The following DSCAML1 variants were observed in gnomAD, a reference collection of about 807,000 sequenced individuals.
DSCAML1 encodes the protein cell adhesion molecule DSCAML1.
Under a neutral mutation model 200.5 loss-of-function variants are expected in DSCAML1, and 38 were observed. The observed-to-expected ratio is 0.19, with a 90% CI of 0.15 to 0.25. The LOEUF (loss-of-function observed/expected upper bound fraction) is 0.25. Among genes scored for constraint, DSCAML1 ranks in the 10% least tolerant of loss-of-function variants. The pLI is 1.00. For synonymous variants in DSCAML1, 1,215 were observed against 1,165.0 expected (o/e 1.04, Z -0.87); for missense variants, 2,223 against 2,858.8 (o/e 0.78, Z 5.07).
At chr11:117,735,144 T>A (rs1348133692) in intron 3 of DSCAML1, among the ~76,000 whole-genome samples, 5 of 151,804 alleles carry the variant, frequency 3.3e-5, no homozygotes, top group Non-Finnish European at 5.9e-5. Flanking sequence ...CCCCGTAGCA[T>A]CCCCCTTCCC....
chr11:117,449,327 G>A (rs979624811), intron 20 of DSCAML1, among the ~76,000 whole-genome samples: 4 of 152,092 alleles, frequency 2.6e-5, no homozygotes, highest in African/African-American at 9.7e-5. Context: ...GATGACGTTT[G>A]TGCACTTTGC....
intron 3 of DSCAML1, among the ~76,000 whole-genome samples, chr11:117,654,523 C>T (rs1379608240): frequency 1.3e-5 from 2 of 152,184 alleles, no homozygotes; most frequent in Non-Finnish European, 2.9e-5. Context: ...AGATAGGGCA[C>T]AAATAATTCC....
rs751127275 is a variant in DSCAML1, at chr11:117,505,093, G to A, written c.2063-50C>T. On this transcript the variant is annotated intron_variant, in intron 9 of 32. Transcript: ENST00000651296. This position sits in a 1 kb window ranked among gnomAD's most constrained non-coding sequence, Gnocchi z 6.7. ...AACAGACCATTTTAGTCTCTGATGGGTCTCCTAGGGCTTCGAGCACCTTCT... is the reference window on the plus strand; with the variant it reads ...AACAGACCATTTTAGTCTCTGATGGATCTCCTAGGGCTTCGAGCACCTTCT... 1.9e-6 allele frequency: 3 copies of A among 1,585,546 alleles called. No individual in the cohort carries two copies. The highest frequency in any genetic ancestry group is 1.7e-4 in the Middle Eastern group (1 of 5,948).
chr11:117,644,541 C>G (rs952709671), intron 3 of DSCAML1, among the ~76,000 whole-genome samples: 4 of 152,246 alleles, frequency 2.6e-5, no homozygotes, highest in Non-Finnish European at 4.4e-5. Context: ...TCCTTCCTCC[C>G]TCCCACAGAC....
intron 3 of DSCAML1, among the ~76,000 whole-genome samples, chr11:117,579,002 C>G (rs1254068529): frequency 2.0e-5 from 3 of 152,200 alleles, no homozygotes; most frequent in African/African-American, 4.8e-5. Flanking sequence ...CAGCAGTTAT[C>G]CTTGATTCTT....
chr11:117,783,384 T>TG (rs1228262331), intron 1 of DSCAML1, among the ~76,000 whole-genome samples: 1 of 152,174 alleles, frequency 6.6e-6, no homozygotes, highest in Admixed American at 6.5e-5. Flanking sequence ...AATTGATTCA[T>TG]GGGAGAAGGT....
At chr11:117,605,855 A>G (rs2051556657) in intron 3 of DSCAML1, among the ~76,000 whole-genome samples, 1 of 152,048 alleles carries the variant, frequency 6.6e-6, no homozygotes, top group Non-Finnish European at 1.5e-5. Flanking sequence ...GGGTGGGCAG[A>G]GTCACTTAAT....
At chr11:117,743,784 G>T (rs1419799066) in intron 3 of DSCAML1, among the ~76,000 whole-genome samples, 1 of 152,208 alleles carries the variant, frequency 6.6e-6, no homozygotes, top group Non-Finnish European at 1.5e-5. Flanking sequence ...TTAACAGACA[G>T]AATTCAATAC....
At chr11:117,736,020 C>T (rs144899836) in intron 3 of DSCAML1, among the ~76,000 whole-genome samples, 572 of 152,346 alleles carry the variant, frequency 3.8e-3, no homozygotes, top group African/African-American at 0.013. Flanking sequence ...CCAGAAATCA[C>T]AGACTGGCAG....
chr11:117,497,188 C>T (rs1041350890), intron 11 of DSCAML1, among the ~76,000 whole-genome samples: 9 of 152,172 alleles, frequency 5.9e-5, no homozygotes, highest in Non-Finnish European at 1.0e-4. Flanking sequence ...AGGATGGTGA[C>T]CCCTCTGAAT....
chr11:117,475,332 A>G (rs2137193147), intron 14 of DSCAML1, among the ~76,000 whole-genome samples: 1 of 152,276 alleles, frequency 6.6e-6, no homozygotes, highest in South Asian at 2.1e-4. Flanking sequence ...TCCTAACATA[A>G]AATTCTTCAA....
chr11:117,505,697 C>T lies in DSCAML1; in HGVS notation c.1819G>A (p.Ala607Thr), dbSNP rs777412471. Residue 607 changes from alanine (A) to threonine (T), a missense_variant, in exon 9 of 33, where the codon GCC becomes ACC. Ala to Thr is a moderately conservative substitution (Grantham distance 58). Transcript: ENST00000651296. The surrounding 1 kb of genome is among the most constrained non-coding windows in gnomAD (Gnocchi z 6.7). ...PLIQPFEFPPASIGQLLYIPC... is the reference protein window; with the variant it reads ...PLIQPFEFPPTSIGQLLYIPC... Reference sequence around the variant, plus strand: ...ATGTAGAGCAGCTGGCCGATGGAGGCGGGTGGGAATTCGAAGGGCTGGATC... The same window carrying T: ...ATGTAGAGCAGCTGGCCGATGGAGGTGGGTGGGAATTCGAAGGGCTGGATC... 1.4e-5 allele frequency: 23 copies of T among 1,612,612 alleles called. No homozygotes were observed. The highest frequency in any genetic ancestry group is 1.6e-4 in the Middle Eastern group (1 of 6,080).
At chr11:117,609,038 A>AC (rs1555189841) in intron 3 of DSCAML1, among the ~76,000 whole-genome samples, 22 of 149,660 alleles carry the variant, frequency 1.5e-4, no homozygotes, top group South Asian at 4.2e-4. Flanking sequence ...AAACAAACAA[A>AC]AAAAACAAAA....
chr11:117,490,073 G>A (rs561226360), intron 11 of DSCAML1, among the ~76,000 whole-genome samples: 28 of 152,246 alleles, frequency 1.8e-4, no homozygotes, highest in African/African-American at 6.3e-4. Context: ...CCTTCTGCTC[G>A]TTGAGATGGG....
chr11:117,784,926 G>T (rs2055323615), intron 1 of DSCAML1, among the ~76,000 whole-genome samples: 1 of 152,174 alleles, frequency 6.6e-6, no homozygotes, highest in African/African-American at 2.4e-5. Context: ...GGGGTCGAGG[G>T]TGCCTAAGGT....
chr11:117,688,792 A>G (rs1486711513), intron 3 of DSCAML1, among the ~76,000 whole-genome samples: 1 of 152,228 alleles, frequency 6.6e-6, no homozygotes, highest in African/African-American at 2.4e-5. Flanking sequence ...AAATGCTTCC[A>G]CTAAGTGCTA....
intron 3 of DSCAML1, among the ~76,000 whole-genome samples, chr11:117,557,233 G>A (rs1199850019): frequency 6.6e-6 from 1 of 152,168 alleles, no homozygotes; most frequent in African/African-American, 2.4e-5. Context: ...TGGCAGGGGA[G>A]GCTCTGACTT....
chr11:117,734,887 C>G (rs1272805707), intron 3 of DSCAML1, among the ~76,000 whole-genome samples: 1 of 152,116 alleles, frequency 6.6e-6, no homozygotes. Flanking sequence ...AAGAGTGGGC[C>G]CAGGGAAAGC....
chr11:117,483,888 C>T (rs923020277), intron 11 of DSCAML1, among the ~76,000 whole-genome samples: 1 of 151,632 alleles, frequency 6.6e-6, no homozygotes, highest in Non-Finnish European at 1.5e-5. Context: ...AATCGGAAAC[C>T]CCCCACCCCC....
Sources: allele counts gnomAD v4.1 joint callset (sites outside exome capture counted in the v4.1 genomes callset), GRCh38; gene constraint gnomAD v4.1.1; non-coding constraint Gnocchi (gnomAD v3.1); transcripts MANE v1.5; gene names NCBI Gene and HGNC (gene_info 2026-07-23, HGNC 2026-07-21).